Variants in EYS observed in about 807,000 individuals in gnomAD.
The protein encoded by EYS is EGF-like photoreceptor maintenance factor, also known as protein eyes shut homolog.
In EYS, 250 loss-of-function variants were observed where a neutral mutation model predicts 282.1. That is an observed-to-expected ratio of 0.89 (90% CI 0.80 to 0.98). The LOEUF (loss-of-function observed/expected upper bound fraction) is 0.98. Ranked by LOEUF, EYS falls within the 50% of genes least tolerant of loss-of-function variation. The pLI, the probability that EYS is intolerant of heterozygous loss-of-function variation, is 0.00. For missense variants in EYS, 4,016 were observed against 3,709.0 expected (o/e 1.08, Z -2.15); for synonymous variants, 1,355 against 1,282.9 (o/e 1.06, Z -1.20).
intron 2 of EYS, among the ~76,000 whole-genome samples, chr6:65,549,016 G>A (rs1345660632): frequency 7.9e-5 from 12 of 152,048 alleles, no homozygotes; most frequent in Admixed American, 4.6e-4. Flanking sequence ...CCTCACATGC[G>A]CAGTTCAAAT....
rs190728833 is a variant in EYS at position 64,683,641 on chromosome 6, A to G, written c.3444-57396T>C. On this transcript the variant is annotated intron_variant, in intron 22 of 42. Transcript: ENST00000503581. Reference sequence around the variant, plus strand: ...GATAAAGAATAGGGCAGAAAATTGTACTTAATGGCTGACATTTTCCCAAAC... The same window carrying G: ...GATAAAGAATAGGGCAGAAAATTGTGCTTAATGGCTGACATTTTCCCAAAC... Among the ~76,000 whole-genome samples the G allele has an allele frequency of 2.8e-3, 428 of 152,352 alleles. 2 individuals are homozygous for G. The highest frequency in any genetic ancestry group is 1.0e-2 in the African/African-American group (415 of 41,580).
chr6:63,976,764 G>A (rs1766855469), intron 35 of EYS, among the ~76,000 whole-genome samples: 1 of 151,904 alleles, frequency 6.6e-6, no homozygotes, highest in Admixed American at 6.6e-5. Context: ...TTTGACACTG[G>A]GTTTGAATTA....
chr6:63,944,596 T>C (rs1765340067), intron 35 of EYS, among the ~76,000 whole-genome samples: 1 of 152,130 alleles, frequency 6.6e-6, no homozygotes, highest in Admixed American at 6.6e-5. Context: ...ACTTTACATC[T>C]ACTCTTAGCA....
At chr6:64,147,171 A>G (rs1240575298) in intron 31 of EYS, among the ~76,000 whole-genome samples, 2 of 152,154 alleles carry the variant, frequency 1.3e-5, no homozygotes, top group Non-Finnish European at 1.5e-5. Context: ...GTACTTTGCT[A>G]TTCTTTTTTT....
At chr6:63,773,897 AG>A (rs1209508319) in intron 40 of EYS, among the ~76,000 whole-genome samples, 10 of 152,180 alleles carry the variant, frequency 6.6e-5, no homozygotes, top group African/African-American at 2.2e-4. Flanking sequence ...TTGTGTTCCA[AG>A]TATGTTCAGT....
intron 14 of EYS, among the ~76,000 whole-genome samples, chr6:64,983,069 A>T (rs142506720): frequency 6.6e-6 from 1 of 151,330 alleles, no homozygotes; most frequent in African/African-American, 2.4e-5. Context: ...TATGAATTTC[A>T]TGTCGGTTTT....
In EYS at chr6:65,230,448, CAGA is replaced by C. The variant is rs554389719; in HGVS notation, c.2023+65412_2023+65414del. On this transcript the variant is annotated intron_variant, in intron 12 of 42. Coordinates refer to ENST00000503581, the MANE Select transcript of EYS (RefSeq NM_001142800.2). ...TCATGCATACAATTAGTTTTCCCCC[CAGA>C]AGATTATTTTTATACAATGCCATAC... is the stretch of plus-strand genomic sequence containing the variant. Among the ~76,000 whole-genome samples the C allele has an allele frequency of 7.6e-4, 116 of 152,016 alleles. 1 individual carries two copies. Among genetic ancestry groups the C allele is most frequent in the African/African-American group, 2.8e-3 (115 of 41,552 alleles).
chr6:64,127,147 T>G (rs540323618), intron 31 of EYS, among the ~76,000 whole-genome samples: 59 of 152,330 alleles, frequency 3.9e-4, no homozygotes, highest in African/African-American at 1.3e-3. Flanking sequence ...CATTACTTTA[T>G]AAATGCAATC....
At chr6:65,330,076 G>A in intron 11 of EYS, 9 of 983,708 alleles carry the variant, frequency 9.1e-6, no homozygotes, top group Non-Finnish European at 1.1e-5. Flanking sequence ...TGTATGTTCA[G>A]AAAGTGAAAA....
chr6:64,663,298 G>A (rs1045237779), intron 22 of EYS, among the ~76,000 whole-genome samples: 5 of 152,126 alleles, frequency 3.3e-5, no homozygotes, highest in African/African-American at 1.2e-4. Context: ...TTCTCATTAA[G>A]TCTCAAGAAA....
chr6:63,868,221 T>C (rs1055623702), intron 35 of EYS, among the ~76,000 whole-genome samples: 2 of 152,104 alleles, frequency 1.3e-5, no homozygotes, highest in African/African-American at 4.8e-5. Flanking sequence ...CCAACAACTA[T>C]ATATTTTGGA....
intron 29 of EYS, among the ~76,000 whole-genome samples, chr6:64,372,873 T>C (rs1329167665): frequency 6.6e-6 from 1 of 152,200 alleles, no homozygotes; most frequent in Non-Finnish European, 1.5e-5. Context: ...ATACTTGTGA[T>C]TGCATTATGA....
At chr6:64,634,912 G>T (rs1767920263) in intron 22 of EYS, among the ~76,000 whole-genome samples, 1 of 152,084 alleles carries the variant, frequency 6.6e-6, no homozygotes, top group South Asian at 2.1e-4. Context: ...ATTACCTTGG[G>T]CAGTATGGCC....
At chr6:64,499,112 T>C (rs1378239012) in intron 26 of EYS, among the ~76,000 whole-genome samples, 3 of 152,176 alleles carry the variant, frequency 2.0e-5, no homozygotes, top group Non-Finnish European at 4.4e-5. Flanking sequence ...TCCACATCTT[T>C]GCCAGCATCT....
intron 12 of EYS, among the ~76,000 whole-genome samples, chr6:65,134,344 C>T (rs780528393): frequency 6.6e-6 from 1 of 151,998 alleles, no homozygotes; most frequent in East Asian, 1.9e-4. Context: ...TAGAATCAAC[C>T]TACATGCCTA....
intron 31 of EYS, among the ~76,000 whole-genome samples, chr6:64,151,311 GTATATTTATA>G (rs1218650272): frequency 0.071 from 6,164 of 86,892 alleles, 190 homozygotes; most frequent in Middle Eastern, 0.099. Flanking sequence ...GTGTGTGTGT[GTATATTTATA>G]TATATATATA....
chr6:63,897,722 T>C (rs1773568519), intron 35 of EYS, among the ~76,000 whole-genome samples: 1 of 152,258 alleles, frequency 6.6e-6, no homozygotes. Flanking sequence ...ACTGTGTTTC[T>C]GCACTGGGCC....
chr6:64,039,561 G>C (rs114636060), intron 33 of EYS, among the ~76,000 whole-genome samples: 438 of 152,286 alleles, frequency 2.9e-3, no homozygotes, highest in Non-Finnish European at 4.7e-3. Context: ...TTCTGGGTTT[G>C]AGAGTCTGGA....
intron 33 of EYS, among the ~76,000 whole-genome samples, chr6:64,006,888 G>T (rs1348594388): frequency 6.6e-6 from 1 of 152,018 alleles, no homozygotes; most frequent in Non-Finnish European, 1.5e-5. Flanking sequence ...TGCTGGATTT[G>T]GTTTGCCCAT....
Sources: allele counts gnomAD v4.1 joint callset (sites outside exome capture counted in the v4.1 genomes callset), GRCh38; gene constraint gnomAD v4.1.1; transcripts MANE v1.5; gene names NCBI Gene and HGNC (gene_info 2026-07-23, HGNC 2026-07-21).